The following PTPRM variants were observed in gnomAD, a reference collection of about 807,000 sequenced individuals.
PTPRM encodes the protein protein tyrosine phosphatase receptor type M.
In PTPRM, 47 loss-of-function variants were observed where a neutral mutation model predicts 186.7. The observed-to-expected ratio is 0.25, with a 90% CI of 0.20 to 0.32. PTPRM has a LOEUF of 0.32. Ranked by LOEUF, PTPRM falls within the 10% of genes least tolerant of loss-of-function variation. The pLI is 1.00. For synonymous variants in PTPRM, 668 were observed against 674.9 expected (o/e 0.99, Z 0.16); for missense variants, 1,494 against 1,865.0 (o/e 0.80, Z 3.66).
chr18:8,341,797 C>G (rs543529084), intron 22 of PTPRM, among the ~76,000 whole-genome samples: 11 of 152,242 alleles, frequency 7.2e-5, no homozygotes, highest in African/African-American at 2.6e-4. Context: ...ATGAATGTAC[C>G]TCTCTGCAAG....
intron 3 of PTPRM, among the ~76,000 whole-genome samples, chr18:7,894,287 T>TA (rs908868696): frequency 1.3e-5 from 2 of 152,250 alleles, no homozygotes; most frequent in African/African-American, 4.8e-5. Flanking sequence ...TTCCAAAATA[T>TA]AAAAAATATA....
chr18:7,679,713 C>T (rs191437592), intron 1 of PTPRM, among the ~76,000 whole-genome samples: 26 of 152,076 alleles, frequency 1.7e-4, no homozygotes, highest in African/African-American at 5.1e-4. Flanking sequence ...GTAATATTCT[C>T]AGAGATCTAT....
At chr18:8,366,865 G>A (rs999069498) in intron 23 of PTPRM, 9 of 152,252 alleles carry the variant, frequency 5.9e-5, no homozygotes, top group Admixed American at 2.0e-4. Flanking sequence ...ACGTGATTAG[G>A]ATGCGTGGGA....
Position 8,376,532 on chromosome 18 carries a change from G to T in PTPRM, c.3397G>T (p.Val1133Phe). Residue 1133 changes from valine to phenylalanine, a missense_variant, in exon 26 of 33, where the codon GTC becomes TTC. Transcript: ENST00000580170. ...GTTGGACATGGCCGAAAGGGAAGGGGTCGTAGACATCTACAACTGCGTCAG... is the reference window on the plus strand; with the variant it reads ...GTTGGACATGGCCGAAAGGGAAGGGTTCGTAGACATCTACAACTGCGTCAG... ...IMLDMAEREG[V>F]VDIYNCVREL... is the part of the protein sequence containing the mutation. 6.2e-7 allele frequency: 1 copy of T among 1,614,040 alleles called. No individual in the cohort carries two copies. The highest frequency in any genetic ancestry group is 8.5e-7 in the Non-Finnish European group (1 of 1,179,990).
At chr18:8,352,012 C>A (rs1195154571) in intron 23 of PTPRM, among the ~76,000 whole-genome samples, 3 of 152,116 alleles carry the variant, frequency 2.0e-5, no homozygotes, top group African/African-American at 7.2e-5. Flanking sequence ...ACAAATTAGC[C>A]CAAAGATAGG....
At chr18:7,805,263 C>A (rs1172958020) in intron 2 of PTPRM, among the ~76,000 whole-genome samples, 1 of 152,150 alleles carries the variant, frequency 6.6e-6, no homozygotes, top group Non-Finnish European at 1.5e-5. Context: ...CTTAAACCGC[C>A]CTCATTATCT....
intron 14 of PTPRM, among the ~76,000 whole-genome samples, chr18:8,230,942 A>G (rs1010660342): frequency 3.9e-5 from 6 of 152,172 alleles, no homozygotes; most frequent in Non-Finnish European, 8.8e-5. Context: ...TCCCTTCTTT[A>G]ATAAAAAATA....
chr18:8,168,067 A>G (rs2093348645), intron 14 of PTPRM, among the ~76,000 whole-genome samples: 1 of 152,184 alleles, frequency 6.6e-6, no homozygotes, highest in Non-Finnish European at 1.5e-5. Context: ...CTGCTTCTCA[A>G]CCCTGGACAA....
intron 2 of PTPRM, among the ~76,000 whole-genome samples, chr18:7,835,631 G>A (rs1389274620): frequency 1.3e-5 from 2 of 152,012 alleles, no homozygotes; most frequent in Non-Finnish European, 2.9e-5. Flanking sequence ...ATGTTTCTTT[G>A]TTGATTTTCT....
At chr18:8,329,774 T>G (rs2148148291) in intron 22 of PTPRM, among the ~76,000 whole-genome samples, 1 of 152,250 alleles carries the variant, frequency 6.6e-6, no homozygotes, top group Middle Eastern at 3.4e-3. Context: ...CCCACAGATT[T>G]GGGGACTTCA....
intron 14 of PTPRM, among the ~76,000 whole-genome samples, chr18:8,202,866 C>G (rs2093877085): frequency 1.3e-5 from 2 of 152,116 alleles, no homozygotes; most frequent in African/African-American, 4.8e-5. Context: ...AAAAGCCTCC[C>G]AGCCTAGCCT....
chr18:8,186,230 G>A (rs1460901141), intron 14 of PTPRM, among the ~76,000 whole-genome samples: 1 of 151,272 alleles, frequency 6.6e-6, no homozygotes, highest in Non-Finnish European at 1.5e-5. Flanking sequence ...GGAGCCTGAG[G>A]CAGGAGAATC....
In PTPRM at chr18:7,747,582, C is replaced by T. The variant is rs998361338; in HGVS notation, c.74-26567C>T. On this transcript the variant is annotated intron_variant, in intron 1 of 32. Coordinates refer to ENST00000580170, the MANE Select transcript of PTPRM (RefSeq NM_001105244.2). ...CCTGGCTCCTGGTGGTTTTCTGGCT[C>T]TCTTTTCTGTTCCTTGGCTTTGTAG... 2.6e-5 allele frequency: 4 copies of T among 152,498 alleles called. No individual in the cohort carries two copies. The East Asian group carries it at 7.7e-4, about 29-fold the overall frequency. The allele number at this position is 152,498 out of a possible 1,614,324, so 9.4% of individuals were successfully genotyped here.
chr18:7,996,191 A>T (rs75598016), intron 7 of PTPRM, among the ~76,000 whole-genome samples: 19,725 of 152,008 alleles, frequency 0.13, 1,369 homozygotes, highest in Middle Eastern at 0.32. Flanking sequence ...CTTAAAAAAA[A>T]AAATAAATAA....
intron 1 of PTPRM, among the ~76,000 whole-genome samples, chr18:7,705,252 A>C (rs1477223454): frequency 6.6e-6 from 1 of 152,084 alleles, no homozygotes; most frequent in Non-Finnish European, 1.5e-5. Context: ...ATAAGTATTT[A>C]TATCTAAAAT....
intron 2 of PTPRM, among the ~76,000 whole-genome samples, chr18:7,830,808 C>T (rs986284147): frequency 1.3e-5 from 2 of 152,104 alleles, no homozygotes; most frequent in South Asian, 2.1e-4. Flanking sequence ...AACACACACC[C>T]GAAAGCATTT....
At chr18:7,587,826 A>G (rs2037018791) in intron 1 of PTPRM, among the ~76,000 whole-genome samples, 2 of 152,182 alleles carry the variant, frequency 1.3e-5, no homozygotes, top group South Asian at 2.1e-4. Flanking sequence ...ATATGATTCC[A>G]TCGCAAAGCA....
chr18:7,878,484 A>G (rs1004296519), intron 2 of PTPRM, among the ~76,000 whole-genome samples: 3 of 152,204 alleles, frequency 2.0e-5, no homozygotes, highest in Admixed American at 6.5e-5. Context: ...GGAGCTGTCA[A>G]TCAGGGATGT....
chr18:7,648,646 T>C (rs765329860), intron 1 of PTPRM, among the ~76,000 whole-genome samples: 5 of 152,168 alleles, frequency 3.3e-5, no homozygotes, highest in Non-Finnish European at 7.3e-5. Context: ...CAAAGCCTAA[T>C]CCAGACCAAG....
Sources: allele counts gnomAD v4.1 joint callset (sites outside exome capture counted in the v4.1 genomes callset), GRCh38; gene constraint gnomAD v4.1.1; transcripts MANE v1.5; gene names NCBI Gene and HGNC (gene_info 2026-07-23, HGNC 2026-07-21).